Variants in FOXN3 observed in about 807,000 individuals in gnomAD.
FOXN3 encodes forkhead box N3, also known as forkhead box protein N3.
In FOXN3, 7 loss-of-function variants were observed where a neutral mutation model predicts 38.4. The observed-to-expected ratio is 0.18, with a 90% CI of 0.10 to 0.34. The LOEUF is 0.34. Among genes scored for constraint, FOXN3 ranks in the 10% least tolerant of loss-of-function variants. The pLI is 1.00. For synonymous variants in FOXN3, 230 were observed against 242.2 expected (o/e 0.95, Z 0.47); for missense variants, 456 against 613.4 (o/e 0.74, Z 2.71).
intron 1 of FOXN3, among the ~76,000 whole-genome samples, chr14:89,581,040 A>G (rs1432294607): frequency 1.3e-5 from 2 of 151,076 alleles, no homozygotes; most frequent in South Asian, 2.1e-4. Flanking sequence ...AAATTAGCCA[A>G]TCGTGGTGGT....
chr14:89,586,085 C>T (rs935636561), intron 1 of FOXN3, among the ~76,000 whole-genome samples: 3 of 151,968 alleles, frequency 2.0e-5, no homozygotes, highest in African/African-American at 7.2e-5. Flanking sequence ...CTATAGACTA[C>T]AGGTCTTGAG....
chr14:89,580,780 G>C (rs1354196322), intron 1 of FOXN3, among the ~76,000 whole-genome samples: 2 of 152,184 alleles, frequency 1.3e-5, no homozygotes, highest in Non-Finnish European at 2.9e-5. Context: ...ATTAAATCTG[G>C]ATCCCAAGGC....
In FOXN3 at chr14:89,371,319, G is replaced by A. The variant is rs1222578211; in HGVS notation, c.544-20511C>T. On this transcript the variant is annotated intron_variant, in intron 2 of 5. Transcript: ENST00000557258. The stretch of plus-strand genomic sequence containing the variant: ...CCAATGATGGGAAAGTAACTATCAA[G>A]TGCTTGAAAATAAAGACTATCAGAA... Among the ~76,000 whole-genome samples, 4 of 152,120 alleles carry A rather than the reference G, an allele frequency of 2.6e-5. No individual in the cohort carries two copies. The East Asian group carries it at 7.7e-4, about 29-fold the overall frequency.
intron 1 of FOXN3, among the ~76,000 whole-genome samples, chr14:89,566,869 CT>C (rs1566702466): frequency 8.6e-5 from 13 of 151,954 alleles, no homozygotes; most frequent in African/African-American, 3.1e-4. Flanking sequence ...TCTCACCCCC[CT>C]CCTCTTCCTT....
In FOXN3 at chr14:89,312,284, C is replaced by CAAAAAAAAAAAAAAAAAAAAAAAAAAA. The variant is rs59949946; in HGVS notation, c.681-31271_681-31270insTTTTTTTTTTTTTTTTTTTTTTTTTTT. ...TGGGTGACAGAGCAAGACTCGGTCT[C>CAAAAAAAAAAAAAAAAAAAAAAAAAAA]AAAAAAAAAAAAAAAAAGAAGCCAA... On this transcript the variant is annotated intron_variant, in intron 3 of 5. Transcript: ENST00000557258. 1.3e-3 allele frequency among the ~76,000 whole-genome samples: 76 copies of CAAAAAAAAAAAAAAAAAAAAAAAAAAA among 60,564 alleles called. 2 individuals are homozygous for CAAAAAAAAAAAAAAAAAAAAAAAAAAA. Among genetic ancestry groups the CAAAAAAAAAAAAAAAAAAAAAAAAAAA allele is most frequent in the African/African-American group, 1.8e-3 (22 of 12,068 alleles). The allele number at this position is 60,564 out of a possible 152,430, so 39.7% of individuals were successfully genotyped here.
At chr14:89,476,113 G>C (rs560397692) in intron 1 of FOXN3, among the ~76,000 whole-genome samples, 2 of 152,108 alleles carry the variant, frequency 1.3e-5, no homozygotes, top group Admixed American at 1.3e-4. Context: ...CTGAGGAATG[G>C]GTTTAAACTT....
chr14:89,366,714 C>T (rs968714448), intron 2 of FOXN3, among the ~76,000 whole-genome samples: 1 of 152,148 alleles, frequency 6.6e-6, no homozygotes, highest in Admixed American at 6.5e-5. Context: ...TGCAACTGGG[C>T]GCGCACTCCT....
At chr14:89,381,145 CAA>C (rs71130067) in intron 2 of FOXN3, among the ~76,000 whole-genome samples, 39 of 64,198 alleles carry the variant, frequency 6.1e-4, no homozygotes, top group South Asian at 2.4e-3. Flanking sequence ...CCCTCCGTCT[CAA>C]AAAAAAAAAA....
chr14:89,283,855 C>A (rs1487597786), intron 3 of FOXN3, among the ~76,000 whole-genome samples: 1 of 152,088 alleles, frequency 6.6e-6, no homozygotes, highest in Non-Finnish European at 1.5e-5. Context: ...GCAGAAATCA[C>A]CTTCCTGTTT....
chr14:89,323,504 A>C (rs927017828), intron 3 of FOXN3, among the ~76,000 whole-genome samples: 1 of 151,896 alleles, frequency 6.6e-6, no homozygotes, highest in African/African-American at 2.4e-5. Context: ...GTGGATCACG[A>C]GGTCAGGAGT....
intron 1 of FOXN3, among the ~76,000 whole-genome samples, chr14:89,454,836 G>C (rs1892686677): frequency 6.6e-6 from 1 of 152,184 alleles, no homozygotes; most frequent in African/African-American, 2.4e-5. Context: ...CCATCTTCAT[G>C]TTGTTAATTG....
Position 89,163,380 on chromosome 14 carries a change from G to A in FOXN3, c.852-411C>T, listed in dbSNP as rs1465703198. ...ACTTCAGAGAAAAAAGCCTGCTCTC[G>A]TCTGAAGCGGCTACATTAGGAGGCT... is the stretch of plus-strand genomic sequence containing the variant. On this transcript the variant is annotated intron_variant, in intron 5 of 5. Coordinates refer to ENST00000557258, the MANE Select transcript of FOXN3 (RefSeq NM_005197.4). The surrounding 1 kb of genome is among the most constrained non-coding windows in gnomAD (Gnocchi z 4.3). Among the ~76,000 whole-genome samples, 5 of 152,296 alleles carry A rather than the reference G, an allele frequency of 3.3e-5. No homozygotes were observed. The highest frequency in any genetic ancestry group is 4.1e-4 in the South Asian group (2 of 4,828).
intron 3 of FOXN3, among the ~76,000 whole-genome samples, chr14:89,311,036 G>A (rs1419613589): frequency 4.0e-5 from 6 of 150,130 alleles, no homozygotes; most frequent in Non-Finnish European, 7.4e-5. Flanking sequence ...AACCCGGGAG[G>A]CAGAGGTTGT....
chr14:89,618,931 T>A (rs2139966239), intron 1 of FOXN3: 1 of 151,668 alleles, frequency 6.6e-6, no homozygotes, highest in South Asian at 2.1e-4. Flanking sequence ...AATCAAAGAG[T>A]GCCCCAAAAT....
At chr14:89,293,482 C>T (rs1309262207) in intron 3 of FOXN3, among the ~76,000 whole-genome samples, 1 of 152,176 alleles carries the variant, frequency 6.6e-6, no homozygotes, top group Non-Finnish European at 1.5e-5. Context: ...CTCGCAGCTG[C>T]TGGTGTTTGC....
chr14:89,581,496 A>AAG (rs1417962473), intron 1 of FOXN3, among the ~76,000 whole-genome samples: 1 of 151,272 alleles, frequency 6.6e-6, no homozygotes, highest in Non-Finnish European at 1.5e-5. Flanking sequence ...GAAAAAAAAA[A>AAG]AGAGAAAGAT....
intron 3 of FOXN3, among the ~76,000 whole-genome samples, chr14:89,322,901 G>A (rs1175265038): frequency 6.6e-6 from 1 of 152,138 alleles, no homozygotes; most frequent in African/African-American, 2.4e-5. Flanking sequence ...GCAAAAGAAA[G>A]TCCCCGCTCT....
chr14:89,333,996 AT>A (rs1888354395), intron 3 of FOXN3, among the ~76,000 whole-genome samples: 1 of 64,330 alleles, frequency 1.6e-5, no homozygotes, highest in Non-Finnish European at 3.2e-5. Flanking sequence ...ATATATATAT[AT>A]ATATATATAT....
chr14:89,471,533 G>A (rs1250387750), intron 1 of FOXN3, among the ~76,000 whole-genome samples: 3 of 152,060 alleles, frequency 2.0e-5, no homozygotes, highest in Admixed American at 6.6e-5. Flanking sequence ...GCAGTGAGCC[G>A]TGACTGCACC....
Sources: allele counts gnomAD v4.1 joint callset (sites outside exome capture counted in the v4.1 genomes callset), GRCh38; gene constraint gnomAD v4.1.1; non-coding constraint Gnocchi (gnomAD v3.1); transcripts MANE v1.5; gene names NCBI Gene and HGNC (gene_info 2026-07-23, HGNC 2026-07-21).